Variants in CNBD1 observed in about 807,000 individuals in gnomAD.
The protein encoded by CNBD1 is cyclic nucleotide binding domain containing 1.
In CNBD1, 71 loss-of-function variants were observed where a neutral mutation model predicts 54.4. The ratio of observed to expected loss-of-function variants is 1.30; its 90% CI spans 1.08 to 1.59. CNBD1 has a LOEUF of 1.59. Ranked by LOEUF, CNBD1 falls within the 40% of genes most tolerant of loss-of-function variation. The pLI, the probability that CNBD1 is intolerant of heterozygous loss-of-function variation, is 0.00. For missense variants in CNBD1, 659 were observed against 518.0 expected, an observed-to-expected ratio of 1.27 and a Z score of -2.64; for synonymous variants, 182 against 170.7, an observed-to-expected ratio of 1.07 and a Z score of -0.51.
chr8:86,988,196 T>C (rs1292093147), intron 4 of CNBD1, among the ~76,000 whole-genome samples: 1 of 151,474 alleles, frequency 6.6e-6, no homozygotes, highest in Non-Finnish European at 1.5e-5. Flanking sequence ...ACTATTGGTC[T>C]ATTTAGGTTT....
chr8:87,377,569 T>G (rs1810975728), intron 10 of CNBD1, among the ~76,000 whole-genome samples: 2 of 151,868 alleles, frequency 1.3e-5, no homozygotes. Context: ...ACATTTGTGT[T>G]GGTTCCAAGT....
At chr8:87,097,162 T>A (rs1724452029) in intron 4 of CNBD1, among the ~76,000 whole-genome samples, 1 of 152,246 alleles carries the variant, frequency 6.6e-6, no homozygotes, top group Admixed American at 6.5e-5. Flanking sequence ...GCAATGAGTC[T>A]TGTATATCTA....
At chr8:86,905,248 G>A (rs1291057387) in intron 3 of CNBD1, 54 bp downstream of exon 3, 4 of 1,013,794 alleles carry the variant, frequency 3.9e-6, no homozygotes, top group Non-Finnish European at 6.1e-6. Flanking sequence ...GAGTGTGCTT[G>A]TGCTCACACA....
At chr8:87,395,006 A>C (rs1811383384) in intron 2 of CNBD1, among the ~76,000 whole-genome samples, 1 of 152,014 alleles carries the variant, frequency 6.6e-6, no homozygotes, top group Admixed American at 6.6e-5. Flanking sequence ...TTGTATCCCC[A>C]CTTTGCCTGC....
At chr8:87,065,087 G>T (rs1319285169) in intron 4 of CNBD1, among the ~76,000 whole-genome samples, 1 of 151,752 alleles carries the variant, frequency 6.6e-6, no homozygotes, top group African/African-American at 2.4e-5. Flanking sequence ...TTCTTAATTT[G>T]GTGGTGTCTT....
chr8:87,068,051 G>A (rs1469965074), intron 4 of CNBD1, among the ~76,000 whole-genome samples: 1 of 151,962 alleles, frequency 6.6e-6, no homozygotes, highest in African/African-American at 2.4e-5. Flanking sequence ...CATACGTTAA[G>A]CATTCTGAGG....
At chr8:87,377,021 C>CTT (rs566160843) in intron 10 of CNBD1, among the ~76,000 whole-genome samples, 4 of 128,122 alleles carry the variant, frequency 3.1e-5, no homozygotes, top group African/African-American at 1.1e-4. Flanking sequence ...TATTTTTTTT[C>CTT]TTTTTTTTTT....
chr8:87,155,295 A>G (rs1563489357), intron 4 of CNBD1, among the ~76,000 whole-genome samples: 1 of 152,168 alleles, frequency 6.6e-6, no homozygotes, highest in Non-Finnish European at 1.5e-5. Context: ...TTTATCCTGT[A>G]GATAATTGGG....
At position 87,058,568 on chromosome 8, in the gene CNBD1, C is replaced by A. The variant is rs561848551; in HGVS notation, c.431+118814C>A. On this transcript the variant is annotated intron_variant, in intron 4 of 10. Coordinates refer to ENST00000518476, the MANE Select transcript of CNBD1 (RefSeq NM_173538.3). ...AGGTGGAGGTTCCCAAACCTCAATT[C>A]TTGTCTTCTGCACAACTGCAGGACC... 3.8e-4 allele frequency among the ~76,000 whole-genome samples: 58 copies of A among 152,294 alleles called. 1 individual carries two copies. The highest frequency in any genetic ancestry group is 7.1e-4 in the Non-Finnish European group (48 of 68,020).
chr8:87,378,700 G>T (rs1050539101), intron 10 of CNBD1, among the ~76,000 whole-genome samples: 2 of 150,984 alleles, frequency 1.3e-5, no homozygotes, highest in African/African-American at 4.9e-5. Context: ...GAAAGGCATT[G>T]GTAGCTTGAT....
downstream of CNBD1, among the ~76,000 whole-genome samples, chr8:87,386,555 GA>G (rs1467059250): frequency 2.0e-5 from 3 of 150,790 alleles, no homozygotes; most frequent in Admixed American, 6.6e-5. Flanking sequence ...GAGAATTAGA[GA>G]AAAAAGAATA....
At chr8:87,286,361 A>T (rs910881977) in intron 7 of CNBD1, among the ~76,000 whole-genome samples, 178 bp from the exon 8 acceptor site, 1 of 152,168 alleles carries the variant, frequency 6.6e-6, no homozygotes. Context: ...TCTGAAGATT[A>T]ACATTTTAAT....
intron 1 of CNBD1, among the ~76,000 whole-genome samples, chr8:86,870,501 C>A (rs2446122): frequency 0.69 from 104,793 of 151,738 alleles, 36,763 homozygotes; most frequent in African/African-American, 0.8. Context: ...CTGGCCAACA[C>A]GATAGTACTC....
intron 5 of CNBD1, among the ~76,000 whole-genome samples, chr8:87,229,012 C>T (rs528457557): frequency 6.6e-6 from 1 of 152,220 alleles, no homozygotes; most frequent in South Asian, 2.1e-4. Context: ...TCCCGATTTT[C>T]CAGGTGCGGT....
At chr8:87,294,897 A>G (rs1808853301) in intron 8 of CNBD1, among the ~76,000 whole-genome samples, 1 of 152,050 alleles carries the variant, frequency 6.6e-6, no homozygotes, top group African/African-American at 2.4e-5. Flanking sequence ...TTTTCTAAAT[A>G]ATATTTATTA....
At chr8:87,309,090 CT>C in intron 8 of CNBD1, among the ~76,000 whole-genome samples, 1 of 152,134 alleles carries the variant, frequency 6.6e-6, no homozygotes, top group Non-Finnish European at 1.5e-5. Flanking sequence ...GATTTTCGTT[CT>C]TTTGGGTAAG....
chr8:87,334,440 T>C (rs1189828968), intron 8 of CNBD1, among the ~76,000 whole-genome samples: 2 of 152,150 alleles, frequency 1.3e-5, no homozygotes, highest in Admixed American at 6.5e-5. Context: ...TCTTTGCTCT[T>C]GCTTCTCTAG....
At chr8:87,228,456 A>T in intron 5 of CNBD1, among the ~76,000 whole-genome samples, 1 of 148,752 alleles carries the variant, frequency 6.7e-6, no homozygotes. Flanking sequence ...TTTTCCTTCT[A>T]ACACACAGGA....
intron 4 of CNBD1, among the ~76,000 whole-genome samples, chr8:86,960,532 A>G (rs113012562): frequency 1.5e-4 from 23 of 152,228 alleles, no homozygotes; most frequent in African/African-American, 5.1e-4. Flanking sequence ...AAGCCTGCCT[A>G]CCTCTGTAGA....
Sources: gnomAD v4.1 joint callset for allele counts (sites outside exome capture counted in the v4.1 genomes callset) on GRCh38, gnomAD v4.1.1 for gene constraint, MANE v1.5 for transcripts, NCBI Gene and HGNC (gene_info 2026-07-23, HGNC 2026-07-21) for gene names.